FGF13: variants seen among roughly 807,000 people sequenced by gnomAD.
FGF13 encodes fibroblast growth factor 13, also known as fibroblast growth factor homologous factor 2.
Under a neutral mutation model 19.5 loss-of-function variants are expected in FGF13, and 2 were observed. The ratio of observed to expected loss-of-function variants is 0.10; its 90% CI spans 0.04 to 0.32. The LOEUF is 0.32. FGF13 is among the 10% of genes least tolerant of loss of function. The probability of loss-of-function intolerance (pLI) is 1.00; values close to 1 mark genes in which losing one functional copy is unlikely to be tolerated. For missense variants in FGF13, 113 were observed against 192.7 expected (o/e 0.59, Z 2.45); for synonymous variants, 72 against 76.9 (o/e 0.94, Z 0.33).
Position 138,624,440 on chromosome X carries a change from C to T in FGF13, c.*8410G>A, listed in dbSNP as rs1270014325. The T allele has an allele frequency of 6.2e-5, 7 of 112,264 alleles. No individual in the cohort carries two copies. The highest frequency in any genetic ancestry group is 9.4e-5 in the Admixed American group (1 of 10,597). 9.3% of individuals were successfully genotyped at this position (112,264 alleles called of 1,213,427 possible). A position where few individuals can be genotyped will look rare whatever the true frequency, so the allele number is the denominator to read the frequency against. On this transcript the variant is annotated 3_prime_UTR_variant, in exon 5 of 5. Transcript: ENST00000315930. ...AAATCAACTCAAAATCGATTAAAAA[C>T]TTAAACATAAGACCTAAAATTGTAA... is the stretch of plus-strand genomic sequence containing the variant.
At chrX:139,092,440 G>A (rs1006720304) in intron 1 of FGF13, among the ~76,000 whole-genome samples, 1 of 112,109 alleles carries the variant, frequency 8.9e-6, no homozygotes, top group South Asian at 3.7e-4. Context: ...GTATCGAAGT[G>A]GGATGCACAG....
At chrX:138,700,478 T>C (rs1393658631) in intron 3 of FGF13, among the ~76,000 whole-genome samples, 1 of 111,312 alleles carries the variant, frequency 9.0e-6, no homozygotes, top group African/African-American at 3.3e-5. Context: ...GCAATATAAG[T>C]TGCTGAAGTT....
intron 1 of FGF13, among the ~76,000 whole-genome samples, chrX:138,932,703 A>AGTGTGTGTGT (rs57793547): frequency 0.02 from 1,831 of 90,276 alleles, 23 homozygotes; most frequent in Middle Eastern, 0.036. Flanking sequence ...TCAGGAGTGT[A>AGTGTGTGTGT]GTGTGTGTGT....
At chrX:138,828,084 T>C (rs1479855255) in intron 3 of FGF13, among the ~76,000 whole-genome samples, 8 of 111,752 alleles carry the variant, frequency 7.2e-5, no homozygotes, top group Non-Finnish European at 1.1e-4. Flanking sequence ...TTATAGGTAA[T>C]TGCAATCGGC....
intron 1 of FGF13, among the ~76,000 whole-genome samples, chrX:139,086,030 A>T (rs2083401509): frequency 8.9e-6 from 1 of 112,616 alleles, no homozygotes; most frequent in South Asian, 3.6e-4. Flanking sequence ...TATTACAGGA[A>T]ATGGTGATTA....
At chrX:138,748,214 G>T (rs755104126) in intron 3 of FGF13, among the ~76,000 whole-genome samples, 1 of 111,198 alleles carries the variant, frequency 9.0e-6, no homozygotes, top group South Asian at 3.8e-4. Flanking sequence ...GATAATCTTG[G>T]GATGCATACC....
intron 3 of FGF13, among the ~76,000 whole-genome samples, chrX:138,845,834 C>G (rs187767965): frequency 3.6e-5 from 4 of 111,796 alleles, no homozygotes; most frequent in African/African-American, 9.7e-5. Context: ...AGAGAAAAAT[C>G]AAGTAAGTAC....
At chrX:139,164,688 C>CAAATAAATAAATAAATAAATAAATAAAT (rs778262336) in intron 1 of FGF13, among the ~76,000 whole-genome samples, 1 of 92,556 alleles carries the variant, frequency 1.1e-5, no homozygotes, top group Admixed American at 1.3e-4. Context: ...GACCTTGTCT[C>CAAATAAATAAATAAATAAATAAATAAAT]AAATAAATAA....
chrX:139,036,024 A>G (rs2092249360), intron 1 of FGF13, among the ~76,000 whole-genome samples: 1 of 112,041 alleles, frequency 8.9e-6, no homozygotes, highest in African/African-American at 3.2e-5. Flanking sequence ...AGTCATTTTT[A>G]TGTCAAACAA....
At chrX:138,987,710 C>A (rs989769876) in intron 1 of FGF13, among the ~76,000 whole-genome samples, 1 of 111,763 alleles carries the variant, frequency 8.9e-6, no homozygotes, top group Non-Finnish European at 1.9e-5. Context: ...TTATTGAACT[C>A]ATATTGGAAA....
intron 3 of FGF13, among the ~76,000 whole-genome samples, chrX:138,641,617 G>A (rs959082295): frequency 1.2e-4 from 14 of 112,026 alleles, no homozygotes; most frequent in Non-Finnish European, 1.9e-5. Context: ...GGGTGACAAT[G>A]TAACTACCTA....
chrX:138,923,053 T>A (rs1225504370), intron 1 of FGF13, among the ~76,000 whole-genome samples: 2 of 112,447 alleles, frequency 1.8e-5, no homozygotes, highest in African/African-American at 6.5e-5. Flanking sequence ...TAAACACGAT[T>A]TCAAGGTATT....
intron 3 of FGF13, among the ~76,000 whole-genome samples, chrX:138,665,233 C>T (rs1408613755): frequency 9.0e-6 from 1 of 111,293 alleles, no homozygotes; most frequent in African/African-American, 3.3e-5. Flanking sequence ...ACCTGTGAGG[C>T]CTTAGAATCT....
At position 138,954,095 on chromosome X, in the gene FGF13, CGA is replaced by C. The variant is rs199755534; in HGVS notation, c.-112-89447_-112-89446del. 1.3e-3 allele frequency among the ~76,000 whole-genome samples: 126 copies of C among 94,105 alleles called. 1 individual carries two copies. Among genetic ancestry groups the C allele is most frequent in the African/African-American group, 4.4e-3 (115 of 25,958 alleles). The allele number at this position is 94,105 out of a possible 115,157, so 81.7% of individuals were successfully genotyped here. On this transcript the variant is annotated intron_variant, in intron 1 of 2. Transcript: ENST00000421460. ...TGCATTTCATAGTATGTAAATTTAA[CGA>C]GAGAGAGAGAGAGAGAGAGAGAGAG...
intron 1 of FGF13, among the ~76,000 whole-genome samples, chrX:138,732,308 T>C (rs1306607607): frequency 8.9e-6 from 1 of 112,310 alleles, no homozygotes; most frequent in Non-Finnish European, 1.9e-5. Flanking sequence ...GCAGCTTTAC[T>C]CATTTAAGCT....
intron 1 of FGF13, among the ~76,000 whole-genome samples, chrX:139,202,077 T>G (rs1389443203): frequency 8.9e-6 from 1 of 112,605 alleles, no homozygotes; most frequent in African/African-American, 3.2e-5. Context: ...ATTTGTATTA[T>G]TGAATTACAG....
chrX:138,873,416 G>A (rs1044276515), intron 1 of FGF13, among the ~76,000 whole-genome samples: 13 of 112,096 alleles, frequency 1.2e-4, no homozygotes, highest in African/African-American at 4.2e-4. Context: ...AGGAAGCTCT[G>A]TCAAAATCTC....
downstream of FGF13, among the ~76,000 whole-genome samples, chrX:138,855,639 G>A (rs1318782990): frequency 2.7e-5 from 3 of 111,273 alleles, no homozygotes; most frequent in African/African-American, 9.8e-5. Context: ...TGGATTAAAT[G>A]ACAGATCAAA....
At chrX:139,166,432 T>C (rs1341516015) in intron 1 of FGF13, among the ~76,000 whole-genome samples, 1 of 112,144 alleles carries the variant, frequency 8.9e-6, no homozygotes, top group Non-Finnish European at 1.9e-5. Context: ...ATTAAATCTC[T>C]TTCCTTTATA....
Sources: allele counts gnomAD v4.1 joint callset (sites outside exome capture counted in the v4.1 genomes callset), GRCh38; gene constraint gnomAD v4.1.1; transcripts MANE v1.5; gene names NCBI Gene and HGNC (gene_info 2026-07-23, HGNC 2026-07-21).